DSCAM: variants seen among roughly 807,000 people sequenced by gnomAD.
The protein encoded by DSCAM is cell adhesion molecule DSCAM.
A neutral mutation model predicts 217.7 loss-of-function variants in DSCAM; 47 were observed. The observed-to-expected ratio is 0.22, with a 90% CI of 0.17 to 0.28. DSCAM has a LOEUF of 0.28. Ranked by LOEUF, DSCAM falls within the 10% of genes least tolerant of loss-of-function variation. The pLI, the probability that DSCAM is intolerant of heterozygous loss-of-function variation, is 1.00. For missense variants in DSCAM, 2,080 were observed against 2,618.3 expected, an observed-to-expected ratio of 0.79 and a Z score of 4.49; for synonymous variants, 1,056 against 1,015.3, an observed-to-expected ratio of 1.04 and a Z score of -0.76.
intron 9 of DSCAM, among the ~76,000 whole-genome samples, chr21:40,306,652 AG>A (rs1229728032): frequency 2.0e-5 from 3 of 151,632 alleles, no homozygotes; most frequent in Non-Finnish European, 4.4e-5. Context: ...TTTAGCATGA[AG>A]GGTTGTTGAA....
intron 11 of DSCAM, among the ~76,000 whole-genome samples, chr21:40,205,546 TGAGCTGA>T (rs1032884605): frequency 1.6e-4 from 24 of 148,204 alleles, no homozygotes; most frequent in South Asian, 1.3e-3. Context: ...GAGGTTGCAG[TGAGCTGA>T]GATTGCACCA....
chr21:40,691,366 G>A (rs761864895), intron 3 of DSCAM, among the ~76,000 whole-genome samples: 5 of 152,162 alleles, frequency 3.3e-5, no homozygotes, highest in African/African-American at 4.8e-5. Flanking sequence ...CTAGGTCACC[G>A]AGTCCGGAAG....
At chr21:40,720,728 A>C (rs189050607) in intron 1 of DSCAM, among the ~76,000 whole-genome samples, 1 of 152,088 alleles carries the variant, frequency 6.6e-6, no homozygotes, top group East Asian at 1.9e-4. Context: ...TGAGTGGCCC[A>C]GCTTACTTCC....
intron 3 of DSCAM, among the ~76,000 whole-genome samples, chr21:40,680,951 G>A (rs1034058792): frequency 6.6e-6 from 1 of 152,238 alleles, no homozygotes; most frequent in African/African-American, 2.4e-5. Flanking sequence ...CATGAGCCTT[G>A]GACAGTCAAT....
At chr21:40,612,113 G>A (rs1232995009) in intron 3 of DSCAM, among the ~76,000 whole-genome samples, 2 of 152,190 alleles carry the variant, frequency 1.3e-5, no homozygotes, top group African/African-American at 4.8e-5. Context: ...GAAAAGCAAT[G>A]GGAAGCCTTG....
chr21:40,312,836 G>A (rs1487701223), intron 8 of DSCAM, among the ~76,000 whole-genome samples: 2 of 152,148 alleles, frequency 1.3e-5, no homozygotes, highest in South Asian at 2.1e-4. Flanking sequence ...ATTTTGGCTG[G>A]ATGTGGTGGC....
rs186939025 is a variant in DSCAM, at chr21:40,750,538, G to T, written c.44-41767C>A. ...TCCCTTTCTCCCTTTGATCTCACCCGTTCTGAAGGTTTTTAGTATCATCTC... is the reference window on the plus strand; with the variant it reads ...TCCCTTTCTCCCTTTGATCTCACCCTTTCTGAAGGTTTTTAGTATCATCTC... On this transcript the variant is annotated intron_variant, in intron 1 of 32. Transcript: ENST00000400454. 2.1e-3 allele frequency among the ~76,000 whole-genome samples: 318 copies of T among 151,876 alleles called. 1 individual carries two copies. Among genetic ancestry groups the T allele is most frequent in the African/African-American group, 7.3e-3 (304 of 41,418 alleles).
chr21:40,494,092 T>C (rs925400705), intron 3 of DSCAM, among the ~76,000 whole-genome samples: 1 of 151,206 alleles, frequency 6.6e-6, no homozygotes, highest in South Asian at 2.1e-4. Flanking sequence ...CTAAACAAAA[T>C]CACCTAATCA....
Position 40,080,247 on chromosome 21 carries a change from T to C in DSCAM, c.4325A>G (p.Lys1442Arg), listed in dbSNP as rs753572693. ...TGTGAACTTATACCAAGTCCCACAT[T>C]TGAGATTTTCCAAGCGATAGGAACG... ...SERSYRLENL[K>R]CGTWYKFTLT... The change falls in exon 25 of 33, where the codon AAA becomes AGA. Residue 1442 changes from lysine to arginine, a missense_variant. Physicochemically the swap from Lys to Arg is conservative, Grantham distance 26. Transcript: ENST00000400454. 1.2e-6 allele frequency: 2 copies of C among 1,613,472 alleles called. No homozygotes were observed. Among genetic ancestry groups the C allele is most frequent in the South Asian group, 1.1e-5 (1 of 91,058 alleles).
intron 18 of DSCAM, among the ~76,000 whole-genome samples, chr21:40,142,019 A>G (rs964880265): frequency 2.8e-5 from 4 of 142,566 alleles, no homozygotes; most frequent in Admixed American, 2.0e-4. Context: ...CAAGGAAAAG[A>G]GAGAGGAGGA....
Position 40,186,726 on chromosome 21 carries a change from C to T in DSCAM, c.2779+405G>A, listed in dbSNP as rs527261144. On this transcript the variant is annotated intron_variant, in intron 14 of 32. Coordinates refer to ENST00000400454, the MANE Select transcript of DSCAM (RefSeq NM_001389.5). ...AACACCAAGCACAGCTTGAGCTCAA[C>T]GCTCTGGGTGCAGGACATGGGCTCA... 4.6e-5 allele frequency among the ~76,000 whole-genome samples: 7 copies of T among 152,302 alleles called. No individual in the cohort carries two copies. In the South Asian group the frequency reaches 6.2e-4, roughly 14 times the overall value.
At chr21:40,077,568 A>G (rs553524208) in intron 26 of DSCAM, among the ~76,000 whole-genome samples, 2 of 152,204 alleles carry the variant, frequency 1.3e-5, no homozygotes, top group Non-Finnish European at 2.9e-5. Flanking sequence ...CCAAATGCAC[A>G]AAGTAAAGAA....
chr21:40,495,155 T>TATTG (rs1200699913), intron 3 of DSCAM, among the ~76,000 whole-genome samples: 7 of 152,112 alleles, frequency 4.6e-5, no homozygotes. Flanking sequence ...TTCTATGAAA[T>TATTG]ATTGAAGAAC....
intron 6 of DSCAM, among the ~76,000 whole-genome samples, chr21:40,339,950 C>T (rs1423619942): frequency 6.6e-6 from 1 of 152,180 alleles, no homozygotes; most frequent in Non-Finnish European, 1.5e-5. Flanking sequence ...TTGATGACCT[C>T]ATCTTCATCA....
intron 30 of DSCAM, among the ~76,000 whole-genome samples, chr21:40,047,708 G>A (rs1319644291): frequency 6.6e-6 from 1 of 152,132 alleles, no homozygotes; most frequent in Non-Finnish European, 1.5e-5. Context: ...GAATTTACTA[G>A]TTGTCTCAGA....
chr21:40,695,153 A>C (rs935272864), intron 2 of DSCAM, among the ~76,000 whole-genome samples: 5 of 152,170 alleles, frequency 3.3e-5, no homozygotes, highest in Admixed American at 2.0e-4. Context: ...GATAATTTTT[A>C]ATAGAAATCA....
intron 3 of DSCAM, among the ~76,000 whole-genome samples, chr21:40,688,027 G>T (rs2090500700): frequency 6.6e-6 from 1 of 152,140 alleles, no homozygotes. Context: ...CCAAAATACA[G>T]AAAGAAGATA....
chr21:40,510,303 T>C (rs1327717452), intron 3 of DSCAM, among the ~76,000 whole-genome samples: 2 of 152,150 alleles, frequency 1.3e-5, no homozygotes, highest in Admixed American at 6.5e-5. Flanking sequence ...TCAACAGAGA[T>C]AGCATTTTTA....
intron 3 of DSCAM, among the ~76,000 whole-genome samples, chr21:40,492,591 G>A (rs1295041300): frequency 3.3e-5 from 5 of 151,430 alleles, no homozygotes; most frequent in Non-Finnish European, 7.4e-5. Context: ...CAATCGAGGA[G>A]CAGAAAAATG....
Sources: gnomAD v4.1 joint callset for allele counts (sites outside exome capture counted in the v4.1 genomes callset) on GRCh38, gnomAD v4.1.1 for gene constraint, MANE v1.5 for transcripts, NCBI Gene and HGNC (gene_info 2026-07-23, HGNC 2026-07-21) for gene names.